The following DDX4 variants were observed in gnomAD, a reference collection of about 807,000 sequenced individuals.
DDX4 encodes DEAD-box helicase 4.
In DDX4, 25 loss-of-function variants were observed where a neutral mutation model predicts 100.0. The observed-to-expected ratio is 0.25, with a 90% confidence interval of 0.18 to 0.35. DDX4 has a LOEUF of 0.35. Among genes scored for constraint, DDX4 ranks in the 10% least tolerant of loss-of-function variants. The probability of loss-of-function intolerance (pLI) is 1.00; values close to 1 mark genes in which losing one functional copy is unlikely to be tolerated. For missense variants in DDX4, 635 were observed against 882.4 expected (o/e 0.72, Z 3.55); for synonymous variants, 259 against 275.7 (o/e 0.94, Z 0.60).
chr5:55,745,496 C>T (rs572013487), intron 2 of DDX4, among the ~76,000 whole-genome samples: 1 of 152,030 alleles, frequency 6.6e-6, no homozygotes, highest in Admixed American at 6.5e-5. Flanking sequence ...GATCTCAGCT[C>T]ACTTCAACTT....
In DDX4 at chr5:55,785,954, C is replaced by A. The variant is rs555523215; in HGVS notation, c.864+83C>A. ...ATTATGTAGTTTGTAAAGCTGATATCAACACATAGATTTCACCTTTCGTAT... is the reference window on the plus strand; with the variant it reads ...ATTATGTAGTTTGTAAAGCTGATATAAACACATAGATTTCACCTTTCGTAT... On this transcript the variant is annotated intron_variant, in intron 13 of 21. Coordinates refer to ENST00000505374, the MANE Select transcript of DDX4 (RefSeq NM_024415.3). 1.2e-4 allele frequency: 112 copies of A among 921,474 alleles called. No homozygotes were observed. The East Asian group carries it at 2.3e-3, about 19-fold the overall frequency. 57.1% of individuals were successfully genotyped at this position (921,474 alleles called of 1,614,324 possible).
chr5:55,791,468 G>C (rs571091661), intron 16 of DDX4, among the ~76,000 whole-genome samples: 53 of 152,266 alleles, frequency 3.5e-4, no homozygotes, highest in African/African-American at 1.2e-3. Context: ...CACTTTGCAA[G>C]TGTGTTCTTC....
At chr5:55,755,459 T>C (rs1759864707) in intron 3 of DDX4, among the ~76,000 whole-genome samples, 1 of 152,186 alleles carries the variant, frequency 6.6e-6, no homozygotes, top group South Asian at 2.1e-4. Context: ...AATGAATTTT[T>C]AAATGAACTT....
In DDX4 at chr5:55,742,106, T is replaced by C. The variant is rs1759009576; in HGVS notation, c.69+3074T>C. The C allele has an allele frequency of 8.8e-6, 4 of 453,560 alleles. No individual in the cohort carries two copies. The Admixed American group carries it at 9.4e-5, about 11-fold the overall frequency. 28.1% of individuals were successfully genotyped at this position (453,560 alleles called of 1,614,324 possible). A position where few individuals can be genotyped will look rare whatever the true frequency, so the allele number is the denominator to read the frequency against. ...TCTCAATTCTAAATTTTAAAGTGAG[T>C]GTACCACCTGGGAATAGAACAGCGA... is the stretch of plus-strand genomic sequence containing the variant. On this transcript the variant is annotated intron_variant, in intron 2 of 21. Transcript: ENST00000505374.
intron 7 of DDX4, among the ~76,000 whole-genome samples, chr5:55,772,670 GT>G (rs549327389): frequency 5.3e-5 from 8 of 152,146 alleles, no homozygotes; most frequent in Non-Finnish European, 1.2e-4. Context: ...TGTTGAGTGA[GT>G]TGCCTACTAG....
At chr5:55,775,509 C>T (rs1561495551) in intron 7 of DDX4, among the ~76,000 whole-genome samples, 1 of 152,148 alleles carries the variant, frequency 6.6e-6, no homozygotes, top group African/African-American at 2.4e-5. Context: ...AGTTCTTGCC[C>T]ATTTTTTTCC....
At chr5:55,781,167 C>G (rs772071272) in intron 9 of DDX4, 21 bp downstream of exon 9, 3 of 1,569,236 alleles carry the variant, frequency 1.9e-6, no homozygotes, top group African/African-American at 1.4e-5. Context: ...GAACTTATTA[C>G]TGAATATTAG....
At chr5:55,750,739 C>T (rs868060060) in intron 3 of DDX4, among the ~76,000 whole-genome samples, 2 of 152,128 alleles carry the variant, frequency 1.3e-5, no homozygotes, top group African/African-American at 2.4e-5. Context: ...TGTTTTTAAA[C>T]GTGTGTTTTC....
In DDX4 at chr5:55,767,914, G is replaced by A. The variant is rs749870232; in HGVS notation, c.368G>A (p.Arg123Gln). ...SSNDCEDNPTRNRGFSKRGGY... is the reference protein window; with the variant it reads ...SSNDCEDNPTQNRGFSKRGGY... ...AATGACTGCGAAGATAATCCAACAC[G>A]GAACAGAGGGTTTTCCAAGAGAGGC... Residue 123 changes from arginine to glutamine, a missense_variant, in exon 7 of 22, where the codon CGG becomes CAG. Physicochemically the swap from Arg to Gln is conservative, Grantham distance 43. This residue lies in a region of DDX4 where 446 missense variants were observed against 540.8 expected (regional missense o/e 0.82). Coordinates refer to ENST00000505374, the MANE Select transcript of DDX4 (RefSeq NM_024415.3). The A allele has an allele frequency of 5.0e-6, 8 of 1,613,712 alleles. No individual in the cohort carries two copies. The highest frequency in any genetic ancestry group is 1.1e-5 in the South Asian group (1 of 91,080).
At chr5:55,792,828 AT>A in intron 17 of DDX4, 21 bp downstream of exon 17, 1 of 1,293,132 alleles carries the variant, frequency 7.7e-7, no homozygotes, top group Non-Finnish European at 1.0e-6. Flanking sequence ...TTTCTTAAAA[AT>A]AATTTAATTA....
At chr5:55,777,925 C>G (rs1476649796) in intron 7 of DDX4, among the ~76,000 whole-genome samples, 1 of 151,926 alleles carries the variant, frequency 6.6e-6, no homozygotes, top group Admixed American at 6.6e-5. Context: ...AGGAAAAATT[C>G]GCAAATCCTA....
intron 7 of DDX4, among the ~76,000 whole-genome samples, chr5:55,774,018 TC>T (rs1477020316): frequency 6.6e-6 from 1 of 152,204 alleles, no homozygotes; most frequent in Non-Finnish European, 1.5e-5. Context: ...TGGAGAAATG[TC>T]TTTCAGATCC....
At chr5:55,787,381 A>T (rs1050701325) in intron 14 of DDX4, among the ~76,000 whole-genome samples, 1 of 152,192 alleles carries the variant, frequency 6.6e-6, no homozygotes, top group Admixed American at 6.5e-5. Flanking sequence ...GCCAGATGTA[A>T]CTTCAATAAG....
At chr5:55,739,627 G>A (rs1345900935) in intron 2 of DDX4, among the ~76,000 whole-genome samples, 3 of 152,248 alleles carry the variant, frequency 2.0e-5, no homozygotes, top group South Asian at 2.1e-4. Context: ...ATTTTTGCAT[G>A]TGTTACTTAC....
At chr5:55,738,137 A>C (rs183483443) in intron 1 of DDX4, 36 bp downstream of exon 1, 5 of 152,270 alleles carry the variant, frequency 3.3e-5, no homozygotes, top group African/African-American at 1.2e-4. Context: ...ACTGGCCTGA[A>C]CTCGGCCGTA....
chr5:55,806,410 T>C (rs1743724203), intron 18 of DDX4, among the ~76,000 whole-genome samples: 1 of 152,208 alleles, frequency 6.6e-6, no homozygotes, highest in African/African-American at 2.4e-5. Context: ...CTTTTAATTG[T>C]GATATTAGGG....
intron 7 of DDX4, chr5:55,768,197 TGG>T (rs1741047083): frequency 2.3e-6 from 1 of 437,424 alleles, no homozygotes; most frequent in African/African-American, 2.0e-5. Context: ...TTGCATGCCA[TGG>T]GGTTTTGGTG....
intron 2 of DDX4, chr5:55,741,940 A>T: frequency 1.5e-5 from 4 of 275,608 alleles, no homozygotes; most frequent in Non-Finnish European, 3.0e-5. Flanking sequence ...CTTCTCTTTT[A>T]TAGCGGCTTT....
intron 7 of DDX4, among the ~76,000 whole-genome samples, chr5:55,778,329 G>A (rs887461638): frequency 2.0e-5 from 3 of 152,074 alleles, no homozygotes; most frequent in African/African-American, 4.8e-5. Flanking sequence ...AGCCTTAAAT[G>A]CATCAGAGAA....
Sources: allele counts gnomAD v4.1 joint callset (sites outside exome capture counted in the v4.1 genomes callset), GRCh38; gene constraint gnomAD v4.1.1; regional missense constraint gnomAD v4.1.1; transcripts MANE v1.5; gene names NCBI Gene and HGNC (gene_info 2026-07-23, HGNC 2026-07-21).